The following BDNF variants were observed in gnomAD, a reference collection of about 807,000 sequenced individuals.
BDNF encodes the protein neurotrophic factor BDNF precursor form.
BDNF carries 1 observed loss-of-function variant against 19.5 expected under a neutral mutation model. The ratio of observed to expected loss-of-function variants is 0.05; its 90% CI spans 0.02 to 0.24. The LOEUF (loss-of-function observed/expected upper bound fraction) is 0.24, where lower values mean the gene tolerates loss of function less well. Ranked by LOEUF, BDNF falls within the 10% of genes least tolerant of loss-of-function variation. BDNF has a pLI of 1.00. For missense variants in BDNF, 195 were observed against 317.6 expected, an observed-to-expected ratio of 0.61 and a Z score of 2.93; for synonymous variants, 100 against 121.6, an observed-to-expected ratio of 0.82 and a Z score of 1.17.
intron 1 of BDNF, among the ~76,000 whole-genome samples, chr11:27,686,106 T>C (rs1157833688): frequency 6.6e-6 from 1 of 152,222 alleles, no homozygotes; most frequent in Admixed American, 6.5e-5. Flanking sequence ...ATGTTTAGGA[T>C]AGTTAGCTCT....
Position 27,658,824 on chromosome 11 carries a change from G to C in BDNF, c.-21-239C>G, listed in dbSNP as rs1852928911. On this transcript the variant is annotated intron_variant, in intron 1 of 1. Transcript: ENST00000356660. The surrounding 1 kb of genome is among the most constrained non-coding windows in gnomAD (Gnocchi z 5.7). ...CCCAAGATCTAGCATATAAACCTGAGATTAGATGGCTTCTAAGCAAGTGCA... is the reference window on the plus strand; with the variant it reads ...CCCAAGATCTAGCATATAAACCTGACATTAGATGGCTTCTAAGCAAGTGCA... 10 of 1,396,916 alleles carry C rather than the reference G, an allele frequency of 7.2e-6. No homozygotes were observed. Among genetic ancestry groups the C allele is most frequent in the Non-Finnish European group, 1.9e-6 (2 of 1,070,544 alleles). The allele number at this position is 1,396,916 out of a possible 1,614,324, so 86.5% of individuals were successfully genotyped here.
intron 1 of BDNF, among the ~76,000 whole-genome samples, chr11:27,698,835 G>A (rs1269410201): frequency 1.3e-5 from 2 of 152,124 alleles, no homozygotes; most frequent in African/African-American, 2.4e-5. Flanking sequence ...CTGACATTAA[G>A]GAGTAAGTGC....
At chr11:27,700,670 C>T, upstream of BDNF, 1 of 1,120,996 alleles carries the variant, frequency 8.9e-7, no homozygotes, top group Non-Finnish European at 1.1e-6. Context: ...CGGGGCCTGT[C>T]CTCACCTCCT....
chr11:27,699,277 T>G, intron 1 of BDNF: 2 of 1,501,778 alleles, frequency 1.3e-6, no homozygotes, highest in South Asian at 2.2e-5. Flanking sequence ...GCCCCGAGGC[T>G]TCTTCCTTAG....
intron 1 of BDNF, among the ~76,000 whole-genome samples, chr11:27,714,903 G>A (rs189742599): frequency 6.6e-6 from 1 of 152,154 alleles, no homozygotes; most frequent in African/African-American, 2.4e-5. Flanking sequence ...CCTAAACTCA[G>A]GCTTTTAATC....
chr11:27,719,429 C>T (rs1199021997), intron 1 of BDNF: 3 of 984,780 alleles, frequency 3.0e-6, no homozygotes, highest in Admixed American at 6.1e-5. Context: ...CCGGCCCGCT[C>T]TCTGGCTCTT....
intron 1 of BDNF, chr11:27,665,435 A>G (rs1854139862): frequency 1.3e-5 from 2 of 152,344 alleles, no homozygotes; most frequent in Non-Finnish European, 2.9e-5. Context: ...CAGTGGGTAC[A>G]ACCCACGGAG....
At chr11:27,718,963 G>A (rs1238442558) in intron 1 of BDNF, among the ~76,000 whole-genome samples, 1 of 152,140 alleles carries the variant, frequency 6.6e-6, no homozygotes, top group African/African-American at 2.4e-5. Context: ...ACTGCCACCG[G>A]GCTTGGCTCT....
chr11:27,688,678 C>G (rs1857830554), intron 1 of BDNF, among the ~76,000 whole-genome samples: 1 of 152,184 alleles, frequency 6.6e-6, no homozygotes, highest in African/African-American at 2.4e-5. Context: ...CCCCTGACCC[C>G]TTGCGCTTCC....
chr11:27,677,268 T>C (rs1856257332), intron 1 of BDNF: 1 of 152,226 alleles, frequency 6.6e-6, no homozygotes, highest in Admixed American at 6.5e-5. Flanking sequence ...TGCAGGACAA[T>C]TAGGCAATAC....
intron 1 of BDNF, among the ~76,000 whole-genome samples, chr11:27,698,951 A>G (rs1859536205): frequency 6.6e-6 from 1 of 152,156 alleles, no homozygotes. Flanking sequence ...ATAGAAGCCA[A>G]ACAAGAACGA....
In BDNF at chr11:27,657,218, T is replaced by G. The variant is rs1451507192; in HGVS notation, c.*603A>C. The G allele has an allele frequency of 1.0e-6, 1 of 985,088 alleles. No individual in the cohort carries two copies. The highest frequency in any genetic ancestry group is 1.2e-6 in the Non-Finnish European group (1 of 829,156). The allele number at this position is 985,088 out of a possible 1,614,324, so 61.0% of individuals were successfully genotyped here. A position where few individuals can be genotyped will look rare whatever the true frequency, so the allele number is the denominator to read the frequency against. ...GAATTCTTTCCCCATCTCTACTCCC[T>G]GTGGGAACTAAAAAACAAAACAAAC... On this transcript the variant is annotated 3_prime_UTR_variant, in exon 2 of 2. Transcript: ENST00000356660. This position sits in a 1 kb window ranked among gnomAD's most constrained non-coding sequence, Gnocchi z 5.0.
chr11:27,718,679 G>C (rs1590508925), intron 1 of BDNF, among the ~76,000 whole-genome samples: 1 of 150,074 alleles, frequency 6.7e-6, no homozygotes, highest in African/African-American at 2.5e-5. Context: ...CCTGCCCTAC[G>C]CTCCCTTTGT....
Position 27,656,959 on chromosome 11 carries a change from G to A in BDNF, c.*862C>T. 3 of 985,262 alleles carry A rather than the reference G, an allele frequency of 3.0e-6. No individual in the cohort carries two copies. The highest frequency in any genetic ancestry group is 3.6e-6 in the Non-Finnish European group (3 of 829,938). The allele number at this position is 985,262 out of a possible 1,614,324, so 61.0% of individuals were successfully genotyped here. A position where few individuals can be genotyped will look rare whatever the true frequency, so the allele number is the denominator to read the frequency against. ...AACAAAGAGGAGACCAGAGGGGGAG[G>A]GGGGGAAAGAATGTGTTCTGAGCAA... On this transcript the variant is annotated 3_prime_UTR_variant, in exon 2 of 2. Coordinates refer to ENST00000356660, the MANE Select transcript of BDNF (RefSeq NM_001709.5).
At chr11:27,720,904 T>G in intron 1 of BDNF, 1 of 427,896 alleles carries the variant, frequency 2.3e-6, no homozygotes, top group Non-Finnish European at 3.2e-6. Context: ...GATTACCCAT[T>G]ACCGGTGATA....
chr11:27,680,449 C>G (rs1856706117), intron 1 of BDNF, among the ~76,000 whole-genome samples: 1 of 152,186 alleles, frequency 6.6e-6, no homozygotes, highest in East Asian at 1.9e-4. Flanking sequence ...ATTAGCGAGC[C>G]TCTGGGGCAA....
chr11:27,673,911 A>C, intron 1 of BDNF: 6 of 924,012 alleles, frequency 6.5e-6, no homozygotes, highest in Non-Finnish European at 9.4e-6. Context: ...TAAAAAAACA[A>C]GAGAGATGAA....
chr11:27,697,768 A>G (rs2134064545), intron 1 of BDNF: 1 of 152,314 alleles, frequency 6.6e-6, no homozygotes, highest in African/African-American at 2.4e-5. Context: ...ACCTTAAAAT[A>G]AAGGAAACTT....
At chr11:27,715,262 G>T (rs1305306040) in intron 1 of BDNF, among the ~76,000 whole-genome samples, 1 of 152,174 alleles carries the variant, frequency 6.6e-6, no homozygotes, top group Non-Finnish European at 1.5e-5. Flanking sequence ...CAGTGTCCAA[G>T]ACTGGGATGA....
Sources: allele counts gnomAD v4.1 joint callset (sites outside exome capture counted in the v4.1 genomes callset), GRCh38; gene constraint gnomAD v4.1.1; non-coding constraint Gnocchi (gnomAD v3.1); transcripts MANE v1.5; gene names NCBI Gene and HGNC (gene_info 2026-07-23, HGNC 2026-07-21).